The following DST variants were observed in gnomAD, a reference collection of about 807,000 sequenced individuals.
The protein encoded by DST is bullous pemphigoid antigen.
A neutral mutation model predicts 875.2 loss-of-function variants in DST; 253 were observed. The ratio of observed to expected loss-of-function variants is 0.29; its 90% CI spans 0.26 to 0.32. The LOEUF is 0.32. DST is among the 10% of genes least tolerant of loss of function. The probability of loss-of-function intolerance (pLI) is 1.00; values close to 1 mark genes in which losing one functional copy is unlikely to be tolerated. For missense variants in DST, 8,287 were observed against 9,111.6 expected (o/e 0.91, Z 3.68); for synonymous variants, 3,124 against 3,197.1 (o/e 0.98, Z 0.77).
At chr6:56,920,650 C>T (rs548531359) in intron 2 of DST, among the ~76,000 whole-genome samples, 2 of 151,452 alleles carry the variant, frequency 1.3e-5, no homozygotes, top group South Asian at 4.2e-4. Flanking sequence ...TATAGAAAGA[C>T]AAGAGTTCCA....
Position 56,572,212 on chromosome 6 carries a change from G to C in DST, c.13609C>G (p.Leu4537Val). 1 of 1,576,404 alleles carries C rather than the reference G, an allele frequency of 6.3e-7. No homozygotes were observed. The highest frequency in any genetic ancestry group is 8.6e-7 in the Non-Finnish European group (1 of 1,160,282). Residue 4537 changes from leucine (L) to valine (V), a missense_variant, in exon 53 of 104, where the codon CTC becomes GTC. Around this residue, in one of 10 missense-constraint regions of DST, gnomAD observed 1,513 missense variants for 1,677.8 expected, o/e 0.90. Transcript: ENST00000680361. The part of the protein sequence containing the change: ...HKKHLEVLHS[L>V]LKEISSHGLP... ...CCATGGCTGGATATCTCCTTCAAGA[G>C]ACTATGCAAAACTTCAAGATGTTTC... is the stretch of plus-strand genomic sequence containing the variant.
rs958785776 is a variant in DST, at chr6:56,631,831, A to C, written c.3963+52T>G. ...ATTAAGAAGTCACAAGAGTTGATAC[A>C]TAAGGTCATTAAGAGAGTTAGTTTT... On this transcript the variant is annotated intron_variant, in intron 29 of 103. Coordinates refer to ENST00000680361, the MANE Select transcript of DST (RefSeq NM_001374736.1). 5 of 1,550,218 alleles carry C rather than the reference A, an allele frequency of 3.2e-6. No individual in the cohort carries two copies. In the African/African-American group the frequency reaches 5.4e-5, roughly 17 times the overall value.
intron 84 of DST, among the ~76,000 whole-genome samples, 176 bp from the exon 85 acceptor site, chr6:56,492,609 C>T (rs550921467): frequency 3.7e-4 from 57 of 152,274 alleles, no homozygotes; most frequent in East Asian, 2.5e-3. Flanking sequence ...CAGTGGCTCA[C>T]GCCTGTGATC....
chr6:56,771,886 G>GA (rs1368037254), intron 4 of DST, among the ~76,000 whole-genome samples: 1 of 152,116 alleles, frequency 6.6e-6, no homozygotes, highest in Non-Finnish European at 1.5e-5. Flanking sequence ...CTAACCAGGA[G>GA]AAAAATCCCA....
chr6:56,909,839 A>G (rs1241889006), intron 2 of DST, among the ~76,000 whole-genome samples: 1 of 152,196 alleles, frequency 6.6e-6, no homozygotes, highest in Non-Finnish European at 1.5e-5. Context: ...TTTGGTCTTA[A>G]TAATACTGTA....
chr6:56,651,532 A>G (rs2098975775), intron 10 of DST, among the ~76,000 whole-genome samples: 1 of 152,200 alleles, frequency 6.6e-6, no homozygotes, highest in Non-Finnish European at 1.5e-5. Context: ...GTCCTATTCA[A>G]CTGATTTAAG....
intron 2 of DST, among the ~76,000 whole-genome samples, chr6:56,931,234 G>A (rs2060194778): frequency 6.6e-6 from 1 of 152,216 alleles, no homozygotes; most frequent in Non-Finnish European, 1.5e-5. Flanking sequence ...TGGCTTCAGA[G>A]GGTTCAAGTC....
At chr6:56,547,413 C>T (rs1373622048) in intron 61 of DST, among the ~76,000 whole-genome samples, 1 of 152,120 alleles carries the variant, frequency 6.6e-6, no homozygotes, top group Non-Finnish European at 1.5e-5. Flanking sequence ...CATCTAGTTA[C>T]AGTGTCTATA....
intron 4 of DST, chr6:56,843,298 G>T (rs1029452444): frequency 4.0e-6 from 5 of 1,235,962 alleles, no homozygotes; most frequent in Admixed American, 4.0e-5. Flanking sequence ...GACGCAGAGC[G>T]GGGGCGCAGG....
intron 46 of DST, 30 bp downstream of exon 46, chr6:56,598,446 C>T: frequency 7.5e-7 from 1 of 1,341,714 alleles, no homozygotes; most frequent in Non-Finnish European, 1.0e-6. Flanking sequence ...TTTGACATAG[C>T]AATAGTGCAC....
intron 4 of DST, among the ~76,000 whole-genome samples, chr6:56,841,797 T>A (rs1416724173): frequency 6.6e-6 from 1 of 152,058 alleles, no homozygotes; most frequent in African/African-American, 2.4e-5. Context: ...TACTTTAAAA[T>A]GGAGTGATGC....
Position 56,552,382 on chromosome 6 carries a change from G to C in DST, c.16410C>G (p.Ser5470Arg). 6.2e-7 allele frequency: 1 copy of C among 1,613,914 alleles called. No homozygotes were observed. The highest frequency in any genetic ancestry group is 8.5e-7 in the Non-Finnish European group (1 of 1,179,872). The change falls in exon 61 of 104, where the codon AGC becomes AGG. Residue 5470 changes from serine to arginine, a missense_variant. By Grantham distance (110) the Ser-to-Arg change is moderately radical (BLOSUM62 -1). Coordinates refer to ENST00000680361, the MANE Select transcript of DST (RefSeq NM_001374736.1). The part of the protein sequence containing the change: ...VGIKRDLEAL[S>R]KQCNKLLDRA... ...GGTCCAGTAACTTGTTGCATTGTTT[G>C]CTTAAGGCCTCCAAGTCCCTTTTGA...
chr6:56,597,673 A>T, intron 47 of DST, 67 bp downstream of exon 47: 2 of 1,502,746 alleles, frequency 1.3e-6, no homozygotes, highest in Admixed American at 3.8e-5. Context: ...CTCATGTGCT[A>T]GGTTATTTCT....
At chr6:56,924,542 G>A (rs1201462829) in intron 2 of DST, among the ~76,000 whole-genome samples, 1 of 152,170 alleles carries the variant, frequency 6.6e-6, no homozygotes, top group Non-Finnish European at 1.5e-5. Flanking sequence ...GAAAATCTGA[G>A]AGCATGGTGT....
At chr6:56,919,510 T>G (rs1802979631) in intron 2 of DST, among the ~76,000 whole-genome samples, 1 of 152,224 alleles carries the variant, frequency 6.6e-6, no homozygotes, top group South Asian at 2.1e-4. Context: ...TGTTAACTTT[T>G]TATTACAGAA....
chr6:56,807,926 T>C (rs2099755099), intron 4 of DST, among the ~76,000 whole-genome samples: 1 of 152,226 alleles, frequency 6.6e-6, no homozygotes, highest in Non-Finnish European at 1.5e-5. Flanking sequence ...ACATAATTCC[T>C]ATTACTTCCA....
At chr6:56,703,236 T>C (rs1285396411) in intron 7 of DST, among the ~76,000 whole-genome samples, 1 of 152,220 alleles carries the variant, frequency 6.6e-6, no homozygotes, top group Non-Finnish European at 1.5e-5. Flanking sequence ...AAAATTTCCC[T>C]AAGTTCTTTC....
At chr6:56,920,303 G>C (rs1005706976) in intron 2 of DST, among the ~76,000 whole-genome samples, 5 of 152,108 alleles carry the variant, frequency 3.3e-5, no homozygotes, top group African/African-American at 1.2e-4. Context: ...GAGAAGAAAG[G>C]GGCTATAGGA....
At chr6:56,584,389 CTGTT>C (rs1189254875) in intron 49 of DST, among the ~76,000 whole-genome samples, 3 of 152,068 alleles carry the variant, frequency 2.0e-5, no homozygotes. Context: ...ATTTGGCTCT[CTGTT>C]TGTCTGTTAT....
Sources: gnomAD v4.1 joint callset for allele counts (sites outside exome capture counted in the v4.1 genomes callset) on GRCh38, gnomAD v4.1.1 for gene constraint, gnomAD v4.1.1 regional missense constraint, MANE v1.5 for transcripts, NCBI Gene and HGNC (gene_info 2026-07-23, HGNC 2026-07-21) for gene names.